Variants in PAK3 observed in about 807,000 individuals in gnomAD.
The protein encoded by PAK3 is p21 (RAC1) activated kinase 3, also known as serine/threonine-protein kinase PAK 3.
In PAK3, 4 loss-of-function variants were observed where a neutral mutation model predicts 41.0. The ratio of observed to expected loss-of-function variants is 0.10; its 90% CI spans 0.05 to 0.22. The LOEUF (loss-of-function observed/expected upper bound fraction) is 0.22, where lower values mean the gene tolerates loss of function less well. Ranked by LOEUF, PAK3 falls within the 10% of genes least tolerant of loss-of-function variation. The pLI is 1.00. For synonymous variants in PAK3, 146 were observed against 139.6 expected, an observed-to-expected ratio of 1.05 and a Z score of -0.32; for missense variants, 205 against 409.9, an observed-to-expected ratio of 0.50 and a Z score of 4.32.
intron 1 of PAK3, among the ~76,000 whole-genome samples, chrX:110,981,150 C>T (rs1329496395): frequency 1.8e-5 from 2 of 111,170 alleles, no homozygotes; most frequent in Non-Finnish European, 3.8e-5. Flanking sequence ...TTCTGAGCTC[C>T]AACACTCCAG....
At chrX:110,994,850 C>T (rs1180541844) in intron 1 of PAK3, among the ~76,000 whole-genome samples, 1 of 111,493 alleles carries the variant, frequency 9.0e-6, no homozygotes, top group Non-Finnish European at 1.9e-5. Flanking sequence ...AACACCTAGC[C>T]CAGTGCCTGG....
rs192452648 is a variant in PAK3, at chrX:111,012,903, C to G, written c.-28+68275C>G. Among the ~76,000 whole-genome samples, 786 of 111,686 alleles carry G rather than the reference C, an allele frequency of 7.0e-3. 7 individuals carry two copies. Among genetic ancestry groups the G allele is most frequent in the African/African-American group, 0.024 (752 of 30,694 alleles). ...GCTCAAGCAATTTTTCCTACCTCAGCCTACTGAGTAGCTGAAATCACAGCC... is the reference window on the plus strand; with the variant it reads ...GCTCAAGCAATTTTTCCTACCTCAGGCTACTGAGTAGCTGAAATCACAGCC... On this transcript the variant is annotated intron_variant, in intron 1 of 14. Coordinates refer to the PAK3 transcript ENST00000425146.
chrX:111,092,827 C>A (rs974935257), upstream of PAK3, among the ~76,000 whole-genome samples: 1 of 111,759 alleles, frequency 8.9e-6, no homozygotes, highest in Non-Finnish European at 1.9e-5. Context: ...CATATTTCAA[C>A]ATTTCTTGAC....
intron 1 of PAK3, among the ~76,000 whole-genome samples, chrX:111,065,300 T>C (rs1278683247): frequency 1.1e-5 from 1 of 90,856 alleles, no homozygotes; most frequent in Non-Finnish European, 2.2e-5. Context: ...TTTTTCTGTG[T>C]CTATTAAGAT....
At chrX:111,014,396 T>C (rs905577840) in intron 1 of PAK3, among the ~76,000 whole-genome samples, 4 of 111,505 alleles carry the variant, frequency 3.6e-5, no homozygotes, top group Non-Finnish European at 7.5e-5. Flanking sequence ...AGACATGCCT[T>C]AAAAAATATG....
chrX:111,106,326 T>C (rs1031095872), intron 4 of PAK3, among the ~76,000 whole-genome samples: 3 of 112,080 alleles, frequency 2.7e-5, no homozygotes, highest in African/African-American at 9.8e-5. Context: ...CAATTCACAT[T>C]GCAATAGTTG....
chrX:111,155,646 T>C (rs375607313), intron 8 of PAK3, among the ~76,000 whole-genome samples: 1 of 110,948 alleles, frequency 9.0e-6, no homozygotes, highest in South Asian at 3.9e-4. Context: ...TGAAGCTCAG[T>C]GTCTGGTACC....
chrX:111,001,771 T>C (rs1416035548), intron 1 of PAK3, among the ~76,000 whole-genome samples: 1 of 111,342 alleles, frequency 9.0e-6, no homozygotes, highest in Admixed American at 9.6e-5. Context: ...CGGGGTTTCC[T>C]AAGGGTTCCT....
intron 6 of PAK3, among the ~76,000 whole-genome samples, chrX:111,147,306 C>T (rs1364620878): frequency 3.6e-5 from 4 of 111,498 alleles, no homozygotes; most frequent in Non-Finnish European, 7.5e-5. Flanking sequence ...TACAACATGA[C>T]CAGAAACAGC....
intron 4 of PAK3, among the ~76,000 whole-genome samples, chrX:111,108,025 G>GT: frequency 8.9e-6 from 1 of 111,937 alleles, no homozygotes; most frequent in Non-Finnish European, 1.9e-5. Context: ...GCACTCTAAG[G>GT]TACTTTCATT....
chrX:110,982,052 A>G (rs1372378253), intron 1 of PAK3, among the ~76,000 whole-genome samples: 1 of 111,196 alleles, frequency 9.0e-6, no homozygotes, highest in Non-Finnish European at 1.9e-5. Context: ...GATGTTTTAG[A>G]AATTCTGAGC....
At chrX:110,959,324 C>T (rs957272146) in intron 1 of PAK3, among the ~76,000 whole-genome samples, 2 of 112,056 alleles carry the variant, frequency 1.8e-5, no homozygotes, top group Admixed American at 9.4e-5. Flanking sequence ...TTCTGCAATC[C>T]ACTGCCACTA....
chrX:111,125,321 G>A (rs1490281535), intron 5 of PAK3, among the ~76,000 whole-genome samples: 11 of 111,245 alleles, frequency 9.9e-5, no homozygotes, highest in Non-Finnish European at 1.9e-5. Flanking sequence ...CTATGGATGA[G>A]GATGAAAATT....
chrX:111,080,927 G>A (rs935829278), intron 1 of PAK3, among the ~76,000 whole-genome samples: 3 of 111,720 alleles, frequency 2.7e-5, no homozygotes, highest in African/African-American at 9.8e-5. Context: ...CCTGTCATTT[G>A]TGACAACATG....
chrX:111,099,085 C>A (rs1001372357), intron 3 of PAK3, among the ~76,000 whole-genome samples: 1 of 111,812 alleles, frequency 8.9e-6, no homozygotes, highest in Non-Finnish European at 1.9e-5. Context: ...AGCCTCGGAT[C>A]AAATAATAGC....
chrX:111,039,163 A>T (rs2092429348), intron 1 of PAK3, among the ~76,000 whole-genome samples: 1 of 112,492 alleles, frequency 8.9e-6, no homozygotes, highest in Non-Finnish European at 1.9e-5. Context: ...TACAATTCAC[A>T]GGTATGAAGG....
chrX:111,011,934 A>C (rs2092016951), intron 1 of PAK3, among the ~76,000 whole-genome samples: 1 of 112,158 alleles, frequency 8.9e-6, no homozygotes, highest in African/African-American at 3.2e-5. Context: ...ATACTTCATA[A>C]TATGAACAAT....
intron 11 of PAK3, among the ~76,000 whole-genome samples, chrX:111,178,978 T>TAGAGAG (rs1278340574): frequency 7.3e-4 from 68 of 92,567 alleles, no homozygotes; most frequent in African/African-American, 2.6e-3. Context: ...TATATATATA[T>TAGAGAG]ATAGAGAGAG....
chrX:111,018,324 C>A (rs1013156599), intron 1 of PAK3, among the ~76,000 whole-genome samples: 9 of 111,090 alleles, frequency 8.1e-5, no homozygotes, highest in African/African-American at 2.9e-4. Context: ...ACAATATGAT[C>A]TTCTATATGG....
Sources: gnomAD v4.1 joint callset for allele counts (sites outside exome capture counted in the v4.1 genomes callset) on GRCh38, gnomAD v4.1.1 for gene constraint, MANE v1.5 for transcripts, NCBI Gene and HGNC (gene_info 2026-07-23, HGNC 2026-07-21) for gene names.